THSD4: variants seen among roughly 807,000 people sequenced by gnomAD.
THSD4 encodes the protein thrombospondin type-1 domain-containing protein 4.
THSD4 carries 69 observed loss-of-function variants against 119.0 expected under a neutral mutation model. That is an observed-to-expected ratio of 0.58 (90% CI 0.48 to 0.71). The LOEUF (loss-of-function observed/expected upper bound fraction) is 0.71, where lower values mean the gene tolerates loss of function less well. THSD4 is among the 30% of genes least tolerant of loss of function. The probability of loss-of-function intolerance (pLI) is 0.00; values close to 1 mark genes in which losing one functional copy is unlikely to be tolerated. For missense variants in THSD4, 1,393 were observed against 1,391.1 expected (o/e 1.00, Z -0.02); for synonymous variants, 524 against 540.4 (o/e 0.97, Z 0.42).
intron 2 of THSD4, among the ~76,000 whole-genome samples, chr15:71,152,027 G>A (rs905664298): frequency 2.0e-5 from 3 of 152,150 alleles, no homozygotes; most frequent in Non-Finnish European, 2.9e-5. Flanking sequence ...TCCTCAGCAA[G>A]TTATAATTCA....
At chr15:71,155,669 C>T (rs1301171779) in intron 3 of THSD4, among the ~76,000 whole-genome samples, 2 of 152,174 alleles carry the variant, frequency 1.3e-5, no homozygotes, top group Non-Finnish European at 2.9e-5. Context: ...TTTACCCTCT[C>T]TTGGGGCACC....
intron 15 of THSD4, among the ~76,000 whole-genome samples, chr15:71,760,017 A>G (rs973041678): frequency 6.6e-6 from 1 of 152,204 alleles, no homozygotes; most frequent in Admixed American, 6.5e-5. Context: ...AAAATGAAAT[A>G]AGAGCATGCT....
chr15:71,420,388 G>T lies in THSD4; in HGVS notation c.1152+8565G>T, dbSNP rs1480758747. 3.8e-5 allele frequency among the ~76,000 whole-genome samples: 4 copies of T among 106,510 alleles called. 1 individual carries two copies. The highest frequency in any genetic ancestry group is 6.2e-4 in the East Asian group (2 of 3,224). 69.9% of individuals were successfully genotyped at this position (106,510 alleles called of 152,430 possible). On this transcript the variant is annotated intron_variant, in intron 7 of 17. Coordinates refer to ENST00000261862, the MANE Select transcript of THSD4 (RefSeq NM_024817.3). ...TATATGTGAAGTGTGTTTCTTGTAGGAAACAGATGTATGGGTCTTTTTTTT... is the reference window on the plus strand; with the variant it reads ...TATATGTGAAGTGTGTTTCTTGTAGTAAACAGATGTATGGGTCTTTTTTTT...
At chr15:71,277,315 A>G (rs2044604665) in intron 6 of THSD4, among the ~76,000 whole-genome samples, 1 of 151,976 alleles carries the variant, frequency 6.6e-6, no homozygotes, top group African/African-American at 2.4e-5. Flanking sequence ...TAGTAGAGAC[A>G]GGGTTTTACC....
At chr15:71,492,489 G>C (rs1043840744) in intron 7 of THSD4, among the ~76,000 whole-genome samples, 1 of 151,990 alleles carries the variant, frequency 6.6e-6, no homozygotes, top group Admixed American at 6.6e-5. Context: ...GTTTCACCAA[G>C]TTGGCCAGCC....
chr15:71,326,673 CAAAAAAAAAA>C lies in THSD4; in HGVS notation c.1015+69977_1015+69986del, dbSNP rs375081607. On this transcript the variant is annotated intron_variant, in intron 6 of 17. Coordinates refer to ENST00000261862, the MANE Select transcript of THSD4 (RefSeq NM_024817.3). ...TGGGCAACAGAGCAAGATTCCATCTCAAAAAAAAAAAAAAAAAAAAAAAAAAAATATATAT... is the reference window on the plus strand; with the variant it reads ...TGGGCAACAGAGCAAGATTCCATCTCAAAAAAAAAAAAAAAAAATATATAT... Among the ~76,000 whole-genome samples the C allele has an allele frequency of 1.9e-3, 24 of 12,938 alleles. No homozygotes were observed. In the East Asian group the frequency reaches 0.019, roughly 10 times the overall value. The allele number at this position is 12,938 out of a possible 152,430, so 8.5% of individuals were successfully genotyped here.
Position 71,674,745 on chromosome 15 carries a change from T to C in THSD4, c.1357+14011T>C, listed in dbSNP as rs187855869. On this transcript the variant is annotated intron_variant, in intron 8 of 17. Coordinates refer to ENST00000261862, the MANE Select transcript of THSD4 (RefSeq NM_024817.3). ...TTGGCAATGGCTGGAGGCATTTCGA[T>C]TGTTACAGTGAGGGCAGAGAAGGGG... Among the ~76,000 whole-genome samples, 46 of 152,226 alleles carry C rather than the reference T, an allele frequency of 3.0e-4. No homozygotes were observed. In the South Asian group the frequency reaches 4.6e-3, roughly 15 times the overall value.
intron 7 of THSD4, among the ~76,000 whole-genome samples, chr15:71,432,795 T>A (rs2046959789): frequency 6.6e-6 from 1 of 151,954 alleles, no homozygotes; most frequent in African/African-American, 2.4e-5. Context: ...ATCTATACCA[T>A]CTTTTTATTT....
intron 8 of THSD4, among the ~76,000 whole-genome samples, chr15:71,709,161 G>A (rs2052456460): frequency 6.6e-6 from 1 of 152,176 alleles, no homozygotes; most frequent in Non-Finnish European, 1.5e-5. Flanking sequence ...ATTGGAATAA[G>A]GACAGCCAGG....
intron 7 of THSD4, among the ~76,000 whole-genome samples, chr15:71,468,957 G>A (rs2047536138): frequency 1.3e-5 from 2 of 152,226 alleles, no homozygotes; most frequent in Non-Finnish European, 2.9e-5. Context: ...GGGAAATGTA[G>A]TCTTTATTCT....
chr15:71,536,595 G>A (rs2048691626), intron 7 of THSD4, among the ~76,000 whole-genome samples: 3 of 152,058 alleles, frequency 2.0e-5, no homozygotes, highest in African/African-American at 7.2e-5. Context: ...TTGTTTAATG[G>A]ACAAGTAAAA....
chr15:71,425,634 ATGTGC>A (rs1190834342), intron 7 of THSD4, among the ~76,000 whole-genome samples: 2 of 152,138 alleles, frequency 1.3e-5, no homozygotes, highest in African/African-American at 2.4e-5. Flanking sequence ...ATGGGAATGT[ATGTGC>A]TGTCCCGTCA....
intron 7 of THSD4, among the ~76,000 whole-genome samples, chr15:71,415,088 G>A (rs2046741516): frequency 6.6e-6 from 1 of 152,238 alleles, no homozygotes; most frequent in Admixed American, 6.5e-5. Context: ...GTCACTTGCA[G>A]ACAGTTTTCC....
intron 7 of THSD4, among the ~76,000 whole-genome samples, chr15:71,414,282 A>G (rs2046728553): frequency 6.6e-6 from 1 of 152,240 alleles, no homozygotes; most frequent in Non-Finnish European, 1.5e-5. Flanking sequence ...ATATACCTAC[A>G]TATATACCAT....
At chr15:71,747,093 C>A in intron 13 of THSD4, 51 bp downstream of exon 13, 1 of 1,534,432 alleles carries the variant, frequency 6.5e-7, no homozygotes, top group Non-Finnish European at 8.8e-7. Flanking sequence ...GCTCCCACCA[C>A]ACTTTCCAGC....
At chr15:71,107,263 TAATC>T (rs1159230966) in intron 1 of THSD4, among the ~76,000 whole-genome samples, 1 of 152,154 alleles carries the variant, frequency 6.6e-6, no homozygotes, top group Admixed American at 6.5e-5. Context: ...GCAATTAACT[TAATC>T]AATCAAAAAG....
intron 7 of THSD4, among the ~76,000 whole-genome samples, chr15:71,605,653 AGG>A (rs2050095002): frequency 6.6e-6 from 1 of 152,206 alleles, no homozygotes; most frequent in South Asian, 2.1e-4. Flanking sequence ...CGGCTTTGGG[AGG>A]AAAGATCGAG....
At chr15:71,431,442 C>T (rs1254074935) in intron 7 of THSD4, among the ~76,000 whole-genome samples, 7 of 152,086 alleles carry the variant, frequency 4.6e-5, no homozygotes, top group Non-Finnish European at 1.0e-4. Flanking sequence ...AAATGTCTTT[C>T]AGGAGAAGCA....
chr15:71,365,169 G>GTGTGTGTGTGTGTGTGTGTGT (rs2045944422), intron 6 of THSD4, among the ~76,000 whole-genome samples: 1 of 149,078 alleles, frequency 6.7e-6, no homozygotes, highest in Non-Finnish European at 1.5e-5. Context: ...GTGTGTGTAT[G>GTGTGTGTGTGTGTGTGTGTGT]AGAGAGAGAA....
Sources: allele counts gnomAD v4.1 joint callset (sites outside exome capture counted in the v4.1 genomes callset), GRCh38; gene constraint gnomAD v4.1.1; transcripts MANE v1.5; gene names NCBI Gene and HGNC (gene_info 2026-07-23, HGNC 2026-07-21).